Variants in SLC30A4 observed in about 807,000 individuals in gnomAD.
The protein encoded by SLC30A4 is probable proton-coupled zinc antiporter SLC30A4.
In SLC30A4, 20 loss-of-function variants were observed where a neutral mutation model predicts 41.7. The ratio of observed to expected loss-of-function variants is 0.48; its 90% CI spans 0.34 to 0.70. The LOEUF is 0.70. Among genes scored for constraint, SLC30A4 ranks in the 30% least tolerant of loss-of-function variants. The pLI is 0.01. For synonymous variants in SLC30A4, 181 were observed against 195.9 expected (o/e 0.92, Z 0.64); for missense variants, 441 against 529.3 (o/e 0.83, Z 1.64).
chr15:45,480,353 C>T lies in SLC30A4; in HGVS notation c.*4810G>A, dbSNP rs1891585305. On this transcript the variant is annotated 3_prime_UTR_variant, in exon 8 of 8. Coordinates refer to ENST00000261867, the MANE Select transcript of SLC30A4 (RefSeq NM_013309.6). ...CCCACGAACATCACAAATAATATACCTGATTGGCAATCAGTAAAACAAATC... is the reference window on the plus strand; with the variant it reads ...CCCACGAACATCACAAATAATATACTTGATTGGCAATCAGTAAAACAAATC... The T allele has an allele frequency of 6.6e-6, 1 of 152,202 alleles. No homozygotes were observed. Among genetic ancestry groups the T allele is most frequent in the South Asian group, 2.1e-4 (1 of 4,822 alleles). 9.4% of individuals were successfully genotyped at this position (152,202 alleles called of 1,614,324 possible).
chr15:45,502,100 CTT>C (rs1203192748), intron 3 of SLC30A4: 19 of 134,190 alleles, frequency 1.4e-4, no homozygotes, highest in Admixed American at 1.5e-4. Context: ...TGACTTTTTA[CTT>C]TTTTTTTTTT....
intron 5 of SLC30A4, among the ~76,000 whole-genome samples, chr15:45,488,056 G>A (rs1350149097): frequency 6.6e-6 from 1 of 151,258 alleles, no homozygotes; most frequent in Non-Finnish European, 1.5e-5. Context: ...GCCTCAGCTG[G>A]GATTATAGGC....
At chr15:45,507,909 A>C (rs1211469102) in intron 3 of SLC30A4, among the ~76,000 whole-genome samples, 1 of 152,140 alleles carries the variant, frequency 6.6e-6, no homozygotes, top group Non-Finnish European at 1.5e-5. Context: ...TTGGTTGTCT[A>C]TTCATACTTA....
rs904814802 is a variant in SLC30A4, at chr15:45,480,554, G to A, written c.*4609C>T. The A allele has an allele frequency of 6.6e-6, 1 of 152,182 alleles. No homozygotes were observed. Among genetic ancestry groups the A allele is most frequent in the South Asian group, 2.1e-4 (1 of 4,834 alleles). The allele number at this position is 152,182 out of a possible 1,614,324, so 9.4% of individuals were successfully genotyped here. A position where few individuals can be genotyped will look rare whatever the true frequency, so the allele number is the denominator to read the frequency against. ...TGACAAATAACCAACTGGCTCATGA[G>A]CTTGGCTTGCTTCAAAGACAAAATG... is the stretch of plus-strand genomic sequence containing the variant. On this transcript the variant is annotated 3_prime_UTR_variant, in exon 8 of 8. Transcript: ENST00000261867.
At chr15:45,494,998 C>T (rs369570913) in intron 3 of SLC30A4, among the ~76,000 whole-genome samples, 1 of 151,892 alleles carries the variant, frequency 6.6e-6, no homozygotes, top group Non-Finnish European at 1.5e-5. Context: ...GTCTCTCCCC[C>T]CAAAATTGGC....
intron 2 of SLC30A4, among the ~76,000 whole-genome samples, chr15:45,517,154 A>T (rs7168313): frequency 0.096 from 14,028 of 146,070 alleles, 2,072 homozygotes; most frequent in African/African-American, 0.32. Context: ...TCTCTTTTTT[A>T]AAAAAAAAAA....
chr15:45,490,392 C>T (rs1400561215), intron 4 of SLC30A4, among the ~76,000 whole-genome samples: 2 of 152,116 alleles, frequency 1.3e-5, no homozygotes, highest in South Asian at 2.1e-4. Flanking sequence ...TGTGGCCTAA[C>T]TTAAACTTTC....
intron 2 of SLC30A4, chr15:45,519,486 C>T (rs781347578): frequency 2.0e-5 from 3 of 152,116 alleles, no homozygotes; most frequent in Admixed American, 6.6e-5. Flanking sequence ...CCGCCTGCCT[C>T]GAAGATGCTT....
At chr15:45,517,415 G>A (rs139982606) in intron 2 of SLC30A4, among the ~76,000 whole-genome samples, 4,250 of 140,078 alleles carry the variant, frequency 0.03, 95 homozygotes, top group Middle Eastern at 0.058. Context: ...GTGCAACAGC[G>A]TGATCTCGGC....
intron 3 of SLC30A4, among the ~76,000 whole-genome samples, chr15:45,501,510 G>A (rs1466636965): frequency 6.6e-6 from 1 of 151,996 alleles, no homozygotes; most frequent in Non-Finnish European, 1.5e-5. Flanking sequence ...TTATGTTTTT[G>A]TCTTGTTTTA....
At position 45,480,180 on chromosome 15, in the gene SLC30A4, T is replaced by C. The variant is rs1426683338; in HGVS notation, c.*4983A>G. 2 of 152,188 alleles carry C rather than the reference T, an allele frequency of 1.3e-5. No individual in the cohort carries two copies. The highest frequency in any genetic ancestry group is 1.3e-4 in the Admixed American group (2 of 15,284). 9.4% of individuals were successfully genotyped at this position (152,188 alleles called of 1,614,324 possible). On this transcript the variant is annotated 3_prime_UTR_variant, in exon 8 of 8. Coordinates refer to ENST00000261867, the MANE Select transcript of SLC30A4 (RefSeq NM_013309.6). ...GAAAGTCTCCATAAATGTTTTCCAA[T>C]CTTATCAAAAAGCAAATTGGTCCTC... is the stretch of plus-strand genomic sequence containing the variant.
Position 45,490,774 on chromosome 15 carries a change from C to A in SLC30A4, c.646G>T (p.Asp216Tyr), listed in dbSNP as rs1002025601. ...ACAGCTGCGGTGATGAGCATTATAT[C>A]TCCATTTATTTCATAGTTCATATGG... ...TIHMNYEINGDIMLITAAVGV... is the reference protein window; with the variant it reads ...TIHMNYEINGYIMLITAAVGV... The change falls in exon 4 of 8, where the codon GAT becomes TAT. Residue 216 changes from aspartate (D) to tyrosine (Y), a missense_variant. By Grantham distance (160) the Asp-to-Tyr change is radical. Coordinates refer to ENST00000261867, the MANE Select transcript of SLC30A4 (RefSeq NM_013309.6). The A allele has an allele frequency of 6.2e-7, 1 of 1,610,794 alleles. No homozygotes were observed. The highest frequency in any genetic ancestry group is 1.1e-5 in the South Asian group (1 of 90,562).
rs560313475 is a variant in SLC30A4 at position 45,489,121 on chromosome 15, GT to G, written c.693-80del. 2.2e-4 allele frequency: 208 copies of G among 952,244 alleles called. 1 individual carries two copies. The South Asian group carries it at 3.3e-3, about 15-fold the overall frequency. The allele number at this position is 952,244 out of a possible 1,614,324, so 59.0% of individuals were successfully genotyped here. A position where few individuals can be genotyped will look rare whatever the true frequency, so the allele number is the denominator to read the frequency against. ...TTGTCACTAGTCAGACACTAATGAGGTAACATGGAACTCATTTATTTAATAA... is the reference window on the plus strand; with the variant it reads ...TTGTCACTAGTCAGACACTAATGAGGAACATGGAACTCATTTATTTAATAA... On this transcript the variant is annotated intron_variant, in intron 4 of 7. Coordinates refer to ENST00000261867, the MANE Select transcript of SLC30A4 (RefSeq NM_013309.6).
rs1395302230 is a variant in SLC30A4 at position 45,480,552 on chromosome 15, G to A, written c.*4611C>T. 6.6e-6 allele frequency: 1 copy of A among 152,154 alleles called. No homozygotes were observed. Among genetic ancestry groups the A allele is most frequent in the Non-Finnish European group, 1.5e-5 (1 of 68,022 alleles). The allele number at this position is 152,154 out of a possible 1,614,324, so 9.4% of individuals were successfully genotyped here. On this transcript the variant is annotated 3_prime_UTR_variant, in exon 8 of 8. Transcript: ENST00000261867. ...TATGACAAATAACCAACTGGCTCAT[G>A]AGCTTGGCTTGCTTCAAAGACAAAA...
chr15:45,507,103 C>T (rs564972966), intron 3 of SLC30A4, among the ~76,000 whole-genome samples: 43 of 152,112 alleles, frequency 2.8e-4, no homozygotes, highest in African/African-American at 7.7e-4. Context: ...GGGTGGATCA[C>T]GAGGACGGGA....
Position 45,511,126 on chromosome 15 carries a change from C to T in SLC30A4, c.538+12G>A. On this transcript the variant is annotated intron_variant, in intron 3 of 7. Transcript: ENST00000261867. ...AAAATATTATAAAGCAAAAGAAACA[C>T]CAACTACCTACCTAAGCGATGAAAT... The T allele has an allele frequency of 6.2e-7, 1 of 1,606,132 alleles. No individual in the cohort carries two copies. The highest frequency in any genetic ancestry group is 1.1e-5 in the South Asian group (1 of 89,840).
intron 2 of SLC30A4, among the ~76,000 whole-genome samples, chr15:45,516,999 A>C (rs1892498843): frequency 6.6e-6 from 1 of 152,136 alleles, no homozygotes; most frequent in Non-Finnish European, 1.5e-5. Context: ...CTTTACCTAG[A>C]AGTTTATATA....
rs1891629098 is a variant in SLC30A4 at position 45,483,088 on chromosome 15, A to C, written c.*2075T>G. 6.6e-6 allele frequency: 1 copy of C among 152,144 alleles called. No individual in the cohort carries two copies. Among genetic ancestry groups the C allele is most frequent in the Non-Finnish European group, 1.5e-5 (1 of 68,032 alleles). The allele number at this position is 152,144 out of a possible 1,614,324, so 9.4% of individuals were successfully genotyped here. A position where few individuals can be genotyped will look rare whatever the true frequency, so the allele number is the denominator to read the frequency against. On this transcript the variant is annotated 3_prime_UTR_variant, in exon 8 of 8. Transcript: ENST00000261867. ...CATGAGCCACTGTGTCTGGCCACAT[A>C]AATTTTCAGTTCAATTCAACAAACA...
chr15:45,517,740 A>T (rs1452492808), intron 2 of SLC30A4, among the ~76,000 whole-genome samples: 1 of 151,728 alleles, frequency 6.6e-6, no homozygotes, highest in East Asian at 2.0e-4. Flanking sequence ...CGAGGTCAGG[A>T]GATTGAGACC....
Sources: allele counts gnomAD v4.1 joint callset (sites outside exome capture counted in the v4.1 genomes callset), GRCh38; gene constraint gnomAD v4.1.1; transcripts MANE v1.5; gene names NCBI Gene and HGNC (gene_info 2026-07-23, HGNC 2026-07-21).